The following WDR70 variants were observed in gnomAD, a reference collection of about 807,000 sequenced individuals.
WDR70 encodes WD repeat-containing protein 70.
Under a neutral mutation model 88.6 loss-of-function variants are expected in WDR70, and 53 were observed. That is an observed-to-expected ratio of 0.60 (90% CI 0.48 to 0.75). The LOEUF (loss-of-function observed/expected upper bound fraction) is 0.75, where lower values mean the gene tolerates loss of function less well. Among genes scored for constraint, WDR70 ranks in the 30% least tolerant of loss-of-function variants. The pLI, the probability that WDR70 is intolerant of heterozygous loss-of-function variation, is 0.00. For missense variants in WDR70, 610 were observed against 823.2 expected, an observed-to-expected ratio of 0.74 and a Z score of 3.17; for synonymous variants, 280 against 270.0, an observed-to-expected ratio of 1.04 and a Z score of -0.36.
intron 9 of WDR70, among the ~76,000 whole-genome samples, chr5:37,522,950 C>G (rs542843466): frequency 6.6e-6 from 1 of 152,358 alleles, no homozygotes; most frequent in East Asian, 1.9e-4. Flanking sequence ...CCCACCAATG[C>G]TGAGGCTTGA....
intron 10 of WDR70, among the ~76,000 whole-genome samples, chr5:37,654,848 C>T (rs1358716864): frequency 2.0e-5 from 3 of 152,106 alleles, no homozygotes; most frequent in Admixed American, 6.5e-5. Flanking sequence ...TGTCTTTGCA[C>T]GTGAAATGGG....
intron 9 of WDR70, among the ~76,000 whole-genome samples, chr5:37,600,128 A>T (rs1354618362): frequency 6.6e-6 from 1 of 152,238 alleles, no homozygotes. Flanking sequence ...ATGCACTTCA[A>T]AAGATACCAT....
chr5:37,615,283 A>G (rs894983816), intron 10 of WDR70, among the ~76,000 whole-genome samples: 2 of 152,108 alleles, frequency 1.3e-5, no homozygotes, highest in African/African-American at 4.8e-5. Flanking sequence ...AAAAATAAAG[A>G]GGTCTCAGAA....
At chr5:37,464,527 A>G (rs1476283832) in intron 7 of WDR70, among the ~76,000 whole-genome samples, 1 of 152,222 alleles carries the variant, frequency 6.6e-6, no homozygotes, top group East Asian at 1.9e-4. Flanking sequence ...AAAAGTAAAG[A>G]GAACTCTAAG....
intron 9 of WDR70, among the ~76,000 whole-genome samples, chr5:37,531,456 A>G (rs987349039): frequency 3.3e-5 from 5 of 152,058 alleles, no homozygotes; most frequent in Admixed American, 2.0e-4. Flanking sequence ...CGGGAGCTCC[A>G]GTGTTAGATA....
intron 17 of WDR70, among the ~76,000 whole-genome samples, chr5:37,745,614 A>G (rs973306467): frequency 1.3e-5 from 2 of 151,934 alleles, no homozygotes; most frequent in South Asian, 4.1e-4. Flanking sequence ...CAAAAAAAAA[A>G]TGGGAGTTGC....
chr5:37,726,790 A>T (rs1747981991), intron 16 of WDR70, 93 bp from the exon 17 acceptor site: 2 of 1,264,260 alleles, frequency 1.6e-6, no homozygotes, highest in African/African-American at 3.1e-5. Flanking sequence ...TACTCTTGAG[A>T]TTTGTGCTCA....
At chr5:37,687,258 AG>A (rs1278943302) in intron 10 of WDR70, among the ~76,000 whole-genome samples, 1 of 152,156 alleles carries the variant, frequency 6.6e-6, no homozygotes, top group Non-Finnish European at 1.5e-5. Context: ...GTTAAGGTGA[AG>A]TTAATAATTG....
rs1436679534 is a variant in WDR70, at chr5:37,533,795, G to A, written c.917+17205G>A. ...TTACCAGGGAAGTGGGGGAAAGCCT[G>A]CAGTCACAGACCTGTCTCCACTCCC... On this transcript the variant is annotated intron_variant, in intron 9 of 17. Coordinates refer to ENST00000265107, the MANE Select transcript of WDR70 (RefSeq NM_018034.4). Among the ~76,000 whole-genome samples, 3 of 152,084 alleles carry A rather than the reference G, an allele frequency of 2.0e-5. No homozygotes were observed. The East Asian group carries it at 5.8e-4, about 29-fold the overall frequency.
At position 37,469,117 on chromosome 5, in the gene WDR70, A is replaced by G. The variant is rs201792685; in HGVS notation, c.687-10717A>G. Among the ~76,000 whole-genome samples the G allele has an allele frequency of 5.3e-5, 8 of 152,332 alleles. No individual in the cohort carries two copies. The East Asian group carries it at 1.5e-3, about 29-fold the overall frequency. On this transcript the variant is annotated intron_variant, in intron 7 of 17. Transcript: ENST00000265107. ...TAACAAATGGGGCAAAGTGAGTTATACAGCTCCATTCTTAGAAACCTTGGA... is the reference window on the plus strand; with the variant it reads ...TAACAAATGGGGCAAAGTGAGTTATGCAGCTCCATTCTTAGAAACCTTGGA...
intron 5 of WDR70, among the ~76,000 whole-genome samples, chr5:37,408,994 A>G (rs924932157): frequency 2.0e-5 from 3 of 152,182 alleles, no homozygotes; most frequent in Non-Finnish European, 4.4e-5. Context: ...GCTGGAGTGC[A>G]ATGGTGTGAT....
intron 10 of WDR70, among the ~76,000 whole-genome samples, chr5:37,649,710 A>T (rs1158177808): frequency 4.2e-5 from 6 of 141,692 alleles, no homozygotes; most frequent in African/African-American, 1.6e-4. Flanking sequence ...TGAAGCTCAT[A>T]TACATTCACG....
At chr5:37,628,387 G>A (rs558702570) in intron 10 of WDR70, among the ~76,000 whole-genome samples, 34 of 152,266 alleles carry the variant, frequency 2.2e-4, no homozygotes, top group African/African-American at 8.2e-4. Flanking sequence ...TTATATATCT[G>A]GGTGCTCCTG....
rs1198653063 is a variant in WDR70 at position 37,722,883 on chromosome 5, C to T, written c.1546C>T (p.Gln516Ter). ...AGCAAAATTATGTGTGGTTAAAACC[C>T]AGCGGAAGGCAAAACAAGCTGAGAC... ...RGAKLCVVKT[Q>*]RKAKQAETLT... The change falls in exon 15 of 18, where the codon CAG (glutamine) becomes TAG (stop). Residue 516 changes from glutamine to a stop codon, truncating the protein, a stop_gained. Coordinates refer to ENST00000265107, the MANE Select transcript of WDR70 (RefSeq NM_018034.4). LOFTEE classifies it high-confidence loss of function. 2 of 1,613,574 alleles carry T rather than the reference C, an allele frequency of 1.2e-6. No homozygotes were observed. Among genetic ancestry groups the T allele is most frequent in the African/African-American group, 1.3e-5 (1 of 74,978 alleles).
intron 8 of WDR70, among the ~76,000 whole-genome samples, chr5:37,505,339 G>A (rs558616157): frequency 5.9e-5 from 9 of 152,196 alleles, no homozygotes; most frequent in South Asian, 2.1e-4. Context: ...TGCTTGTGCC[G>A]ATCGTATGGG....
chr5:37,538,746 T>C (rs964483393), intron 9 of WDR70, among the ~76,000 whole-genome samples: 5 of 152,154 alleles, frequency 3.3e-5, no homozygotes, highest in Non-Finnish European at 1.5e-5. Context: ...TTCTCTTAAG[T>C]TTACCAGAAT....
intron 7 of WDR70, among the ~76,000 whole-genome samples, chr5:37,463,013 C>T (rs1203978363): frequency 1.3e-5 from 2 of 152,082 alleles, no homozygotes; most frequent in East Asian, 1.9e-4. Flanking sequence ...GTGGCTCATG[C>T]GTATAATCCC....
At chr5:37,579,382 G>T (rs1057107532) in intron 9 of WDR70, among the ~76,000 whole-genome samples, 2 of 151,928 alleles carry the variant, frequency 1.3e-5, no homozygotes, top group East Asian at 3.9e-4. Flanking sequence ...TCAAGAGATT[G>T]AGACCATCCC....
intron 9 of WDR70, among the ~76,000 whole-genome samples, chr5:37,548,723 G>A (rs753589074): frequency 2.0e-5 from 3 of 152,080 alleles, no homozygotes; most frequent in Non-Finnish European, 4.4e-5. Context: ...TGCCCAGACC[G>A]ATGTCCTGGA....
Sources: gnomAD v4.1 joint callset for allele counts (sites outside exome capture counted in the v4.1 genomes callset) on GRCh38, gnomAD v4.1.1 for gene constraint, MANE v1.5 for transcripts, NCBI Gene and HGNC (gene_info 2026-07-23, HGNC 2026-07-21) for gene names.